Variants in CDH12 observed in about 807,000 individuals in gnomAD.
The protein encoded by CDH12 is cadherin-12.
CDH12 carries 41 observed loss-of-function variants against 74.1 expected under a neutral mutation model. That is an observed-to-expected ratio of 0.55 (90% confidence interval 0.43 to 0.72). The LOEUF (loss-of-function observed/expected upper bound fraction) is 0.72. Ranked by LOEUF, CDH12 falls within the 30% of genes least tolerant of loss-of-function variation. The pLI, the probability that CDH12 is intolerant of heterozygous loss-of-function variation, is 0.00. For missense variants in CDH12, 945 were observed against 977.2 expected, an observed-to-expected ratio of 0.97 and a Z score of 0.44; for synonymous variants, 399 against 355.0, an observed-to-expected ratio of 1.12 and a Z score of -1.39.
intron 5 of CDH12, among the ~76,000 whole-genome samples, chr5:22,057,689 C>A (rs1244398012): frequency 6.6e-6 from 1 of 152,086 alleles, no homozygotes; most frequent in Non-Finnish European, 1.5e-5. Context: ...CCACTTAAAC[C>A]ACGAGAATGG....
intron 2 of CDH12, among the ~76,000 whole-genome samples, chr5:22,438,846 TA>T (rs1460560382): frequency 6.6e-6 from 1 of 151,700 alleles, no homozygotes; most frequent in Admixed American, 6.6e-5. Flanking sequence ...TATTAATCTA[TA>T]AAAAATTGAA....
At chr5:22,753,777 T>A (rs1321370460) in intron 1 of CDH12, among the ~76,000 whole-genome samples, 3 of 151,968 alleles carry the variant, frequency 2.0e-5, no homozygotes, top group Non-Finnish European at 4.4e-5. Flanking sequence ...TTCAGATTAA[T>A]TCTCTTTTGG....
chr5:22,754,208 CT>C (rs1745757723), intron 1 of CDH12, among the ~76,000 whole-genome samples: 1 of 152,108 alleles, frequency 6.6e-6, no homozygotes, highest in African/African-American at 2.4e-5. Flanking sequence ...AACTTGAATG[CT>C]TTTAAAAATT....
chr5:22,844,306 C>T (rs2126529027), intron 1 of CDH12, among the ~76,000 whole-genome samples: 1 of 152,180 alleles, frequency 6.6e-6, no homozygotes, highest in East Asian at 1.9e-4. Flanking sequence ...GATGTGAATA[C>T]ATGACCCACA....
At chr5:22,223,452 A>C (rs1458719882) in intron 3 of CDH12, among the ~76,000 whole-genome samples, 2 of 152,050 alleles carry the variant, frequency 1.3e-5, no homozygotes, top group Non-Finnish European at 2.9e-5. Context: ...GGTTTGGTTC[A>C]CAGATGATGC....
chr5:22,560,057 T>A (rs933385251), intron 1 of CDH12, among the ~76,000 whole-genome samples: 1 of 152,134 alleles, frequency 6.6e-6, no homozygotes, highest in African/African-American at 2.4e-5. Flanking sequence ...TTATCCATGG[T>A]CATTGCCAAT....
intron 3 of CDH12, among the ~76,000 whole-genome samples, chr5:22,363,295 T>G (rs1740898177): frequency 6.6e-6 from 1 of 152,258 alleles, no homozygotes; most frequent in Admixed American, 6.5e-5. Flanking sequence ...AAGAAATGCA[T>G]GTGGTCTTTC....
intron 1 of CDH12, among the ~76,000 whole-genome samples, chr5:22,797,019 G>C (rs1748260507): frequency 6.6e-6 from 1 of 151,940 alleles, no homozygotes; most frequent in African/African-American, 2.4e-5. Flanking sequence ...GAAAGCAAGG[G>C]AAGCCTAATG....
At chr5:22,063,489 C>T (rs1741335557) in intron 5 of CDH12, among the ~76,000 whole-genome samples, 1 of 152,038 alleles carries the variant, frequency 6.6e-6, no homozygotes, top group South Asian at 2.1e-4. Context: ...TTGCACATTG[C>T]TGATTGGTTC....
intron 3 of CDH12, among the ~76,000 whole-genome samples, chr5:22,218,081 A>C (rs1021737016): frequency 6.6e-6 from 1 of 151,732 alleles, no homozygotes; most frequent in Non-Finnish European, 1.5e-5. Flanking sequence ...AAGAAAAAAA[A>C]CTCTCATTAC....
Position 22,598,041 on chromosome 5 carries a change from C to T in CDH12, c.-522-92677G>A, listed in dbSNP as rs76681294. On this transcript the variant is annotated intron_variant, in intron 1 of 14. Coordinates refer to ENST00000382254, the MANE Select transcript of CDH12 (RefSeq NM_004061.5). Reference sequence around the variant, plus strand: ...TCAGTTGACTCATTTTAGCACTAAACTGAAAATTAGAAGACCTGAATTCTA... The same window carrying T: ...TCAGTTGACTCATTTTAGCACTAAATTGAAAATTAGAAGACCTGAATTCTA... 8.9e-3 allele frequency among the ~76,000 whole-genome samples: 1,355 copies of T among 152,208 alleles called. 20 individuals carry two copies. Among genetic ancestry groups the T allele is most frequent in the African/African-American group, 0.031 (1,292 of 41,536 alleles).
At chr5:22,723,591 T>C (rs1744010057) in intron 1 of CDH12, among the ~76,000 whole-genome samples, 1 of 152,058 alleles carries the variant, frequency 6.6e-6, no homozygotes, top group Non-Finnish European at 1.5e-5. Flanking sequence ...GCTCTAAAGC[T>C]TGGGATACCT....
chr5:21,915,658 G>A (rs1228485955), intron 6 of CDH12, among the ~76,000 whole-genome samples: 1 of 152,158 alleles, frequency 6.6e-6, no homozygotes, highest in Non-Finnish European at 1.5e-5. Flanking sequence ...AGAATACCAA[G>A]CCTACCAACC....
intron 8 of CDH12, among the ~76,000 whole-genome samples, chr5:21,839,680 T>C (rs1017822188): frequency 6.6e-6 from 1 of 152,196 alleles, no homozygotes; most frequent in African/African-American, 2.4e-5. Flanking sequence ...TAGCTAAATA[T>C]CTTCAATATT....
intron 1 of CDH12, among the ~76,000 whole-genome samples, chr5:22,599,047 G>A (rs756151788): frequency 6.6e-6 from 1 of 152,022 alleles, no homozygotes; most frequent in Non-Finnish European, 1.5e-5. Flanking sequence ...AAACATGGTC[G>A]CCAAAAATCA....
At chr5:21,926,784 G>A (rs1754601083) in intron 6 of CDH12, among the ~76,000 whole-genome samples, 1 of 152,154 alleles carries the variant, frequency 6.6e-6, no homozygotes. Context: ...GAGCGGGAGT[G>A]AAGGCCGAGT....
intron 1 of CDH12, among the ~76,000 whole-genome samples, chr5:22,581,212 T>G (rs1312812211): frequency 6.6e-6 from 1 of 152,172 alleles, no homozygotes; most frequent in East Asian, 1.9e-4. Flanking sequence ...CCTGAAGGCC[T>G]AGGAGGAATA....
At chr5:22,446,015 G>A (rs1254682590) in intron 2 of CDH12, among the ~76,000 whole-genome samples, 1 of 152,028 alleles carries the variant, frequency 6.6e-6, no homozygotes, top group Admixed American at 6.6e-5. Context: ...GTATCTCAAG[G>A]TTCCCTGAAA....
intron 3 of CDH12, among the ~76,000 whole-genome samples, chr5:22,246,120 A>C (rs972763310): frequency 1.3e-5 from 2 of 152,152 alleles, no homozygotes; most frequent in Non-Finnish European, 2.9e-5. Flanking sequence ...AAAATTATAC[A>C]GTGGATATTT....
Sources: allele counts gnomAD v4.1 joint callset (sites outside exome capture counted in the v4.1 genomes callset), GRCh38; gene constraint gnomAD v4.1.1; transcripts MANE v1.5; gene names NCBI Gene and HGNC (gene_info 2026-07-23, HGNC 2026-07-21).